SP1: variants seen among roughly 807,000 people sequenced by gnomAD.
The protein encoded by SP1 is transcription factor Sp1.
A neutral mutation model predicts 66.3 loss-of-function variants in SP1; 6 were observed. The ratio of observed to expected loss-of-function variants is 0.09; its 90% CI spans 0.05 to 0.18. The LOEUF (loss-of-function observed/expected upper bound fraction) is 0.18, where lower values mean the gene tolerates loss of function less well. Among genes scored for constraint, SP1 ranks in the 10% least tolerant of loss-of-function variants. The probability of loss-of-function intolerance (pLI) is 1.00; values close to 1 mark genes in which losing one functional copy is unlikely to be tolerated. For synonymous variants in SP1, 417 were observed against 360.8 expected, an observed-to-expected ratio of 1.16 and a Z score of -1.77; for missense variants, 848 against 964.5, an observed-to-expected ratio of 0.88 and a Z score of 1.60.
chr12:53,380,602 TCCCGCCGGGGGCTGGAGCCGCGGGGGCGG>T, intron 1 of SP1: 1 of 999,386 alleles, frequency 1.0e-6, no homozygotes, highest in Middle Eastern at 4.8e-4. Context: ...CTGAGGCTCC[TCCCGCCGGGGGCTGGAGCCGCGGGGGCGG>T]CCCGAGCAGC....
Position 53,411,836 on chromosome 12 carries a change from A to G in SP1, c.*596A>G, listed in dbSNP as rs934144249. 2 of 152,340 alleles carry G rather than the reference A, an allele frequency of 1.3e-5. No individual in the cohort carries two copies. Among genetic ancestry groups the G allele is most frequent in the African/African-American group, 4.8e-5 (2 of 41,342 alleles). 9.4% of individuals were successfully genotyped at this position (152,340 alleles called of 1,614,324 possible). On this transcript the variant is annotated 3_prime_UTR_variant, in exon 6 of 6. Transcript: ENST00000327443. ...TCTGTAGATGTTGTCTTGGCTTCCC[A>G]CCAGCTTAAGCGTTCATATGCTCTG...
chr12:53,401,075 A>G (rs1266142347), intron 3 of SP1, among the ~76,000 whole-genome samples: 4 of 151,882 alleles, frequency 2.6e-5, no homozygotes, highest in East Asian at 1.9e-4. Context: ...GGGTGAGTCT[A>G]TATCTTGATC....
chr12:53,390,481 G>A (rs1009992053), intron 3 of SP1, among the ~76,000 whole-genome samples: 1 of 152,122 alleles, frequency 6.6e-6, no homozygotes, highest in Non-Finnish European at 1.5e-5. Flanking sequence ...TCAGGAGTTC[G>A]TGACCAGCCT....
intron 3 of SP1, among the ~76,000 whole-genome samples, chr12:53,400,112 A>G (rs1173124578): frequency 6.6e-6 from 1 of 152,156 alleles, no homozygotes; most frequent in Admixed American, 6.6e-5. Flanking sequence ...ACTACAACCC[A>G]AGAACATTTT....
In SP1 at chr12:53,411,273, C is replaced by T. The variant is rs960686030; in HGVS notation, c.*33C>T. The T allele has an allele frequency of 5.1e-6, 8 of 1,564,666 alleles. No individual in the cohort carries two copies. The African/African-American group carries it at 1.1e-4, about 21-fold the overall frequency. On this transcript the variant is annotated 3_prime_UTR_variant, in exon 6 of 6. Transcript: ENST00000327443. The stretch of plus-strand genomic sequence containing the variant: ...CACCCGGGGCCAGAGACATATGGGC[C>T]ATACCCCTTAACCCCGGGATGCAAG...
intron 3 of SP1, among the ~76,000 whole-genome samples, chr12:53,396,422 C>T (rs904091042): frequency 1.3e-5 from 2 of 151,324 alleles, no homozygotes; most frequent in Admixed American, 1.3e-4. Context: ...ACAAAAATTA[C>T]CCGGGCATGG....
At chr12:53,403,371 T>G (rs949319480) in intron 3 of SP1, among the ~76,000 whole-genome samples, 4 of 152,154 alleles carry the variant, frequency 2.6e-5, no homozygotes, top group Non-Finnish European at 5.9e-5. Context: ...GGTTTTTTGT[T>G]TTTTTGAGAT....
Position 53,383,033 on chromosome 12 carries a change from A to T in SP1, c.1086A>T (p.Leu362=). The T allele has an allele frequency of 6.2e-7, 1 of 1,614,170 alleles. No homozygotes were observed. The highest frequency in any genetic ancestry group is 1.1e-5 in the South Asian group (1 of 91,088). The change falls in exon 3 of 6, where the codon CTA becomes CTT. Residue 362 remains leucine (L), a synonymous_variant. Coordinates refer to ENST00000327443, the MANE Select transcript of SP1 (RefSeq NM_138473.3). The part of the protein sequence containing the change: ...QGQTPQRVSG[L]QGSDALNIQQ... Reference sequence around the variant, plus strand: ...AGACACCCCAGAGGGTCAGTGGGCTACAGGGGTCTGATGCTCTGAACATCC... The same window carrying T: ...AGACACCCCAGAGGGTCAGTGGGCTTCAGGGGTCTGATGCTCTGAACATCC...
intron 3 of SP1, among the ~76,000 whole-genome samples, chr12:53,403,800 G>C (rs771881485): frequency 7.2e-5 from 11 of 152,186 alleles, no homozygotes; most frequent in Non-Finnish European, 1.0e-4. Flanking sequence ...GAACATTTTG[G>C]GGGGCTGAGG....
In SP1 at chr12:53,415,812, G is replaced by C. The variant is rs1226337806; in HGVS notation, c.*4572G>C. 1 of 152,542 alleles carries C rather than the reference G, an allele frequency of 6.6e-6. No individual in the cohort carries two copies. The highest frequency in any genetic ancestry group is 2.4e-5 in the African/African-American group (1 of 41,390). 9.4% of individuals were successfully genotyped at this position (152,542 alleles called of 1,614,324 possible). ...TGTCTACCCAGTGCTCCAGTTTCCC[G>C]GTAACTGCTCTTGAACATTGTGGAC... On this transcript the variant is annotated 3_prime_UTR_variant, in exon 6 of 6. Coordinates refer to ENST00000327443, the MANE Select transcript of SP1 (RefSeq NM_138473.3).
intron 3 of SP1, among the ~76,000 whole-genome samples, chr12:53,390,638 G>A (rs1270288461): frequency 6.6e-6 from 1 of 151,570 alleles, no homozygotes; most frequent in Non-Finnish European, 1.5e-5. Context: ...AGCCGGGATC[G>A]CACCACTGCA....
At chr12:53,380,609 G>C (rs1398546570) in intron 1 of SP1, 2 of 1,001,732 alleles carry the variant, frequency 2.0e-6, no homozygotes, top group African/African-American at 1.8e-5. Flanking sequence ...TCCTCCCGCC[G>C]GGGGCTGGAG....
At position 53,414,479 on chromosome 12, in the gene SP1, G is replaced by A. The variant is rs549264413; in HGVS notation, c.*3239G>A. On this transcript the variant is annotated 3_prime_UTR_variant, in exon 6 of 6. Transcript: ENST00000327443. ...AGAATAAATTGATCCTTTGATCCCA[G>A]AAAGTATATACTGAAGTGTGGGATA... 1 of 152,694 alleles carries A rather than the reference G, an allele frequency of 6.5e-6. No individual in the cohort carries two copies. Among genetic ancestry groups the A allele is most frequent in the East Asian group, 1.9e-4 (1 of 5,182 alleles). 9.5% of individuals were successfully genotyped at this position (152,694 alleles called of 1,614,324 possible).
At chr12:53,386,801 T>G (rs1938239340) in intron 3 of SP1, among the ~76,000 whole-genome samples, 1 of 152,014 alleles carries the variant, frequency 6.6e-6, no homozygotes, top group African/African-American at 2.4e-5. Flanking sequence ...ACTTTATCAT[T>G]TTAAATTCCA....
Position 53,411,386 on chromosome 12 carries a change from G to C in SP1, c.*146G>C, listed in dbSNP as rs1938880897. On this transcript the variant is annotated 3_prime_UTR_variant, in exon 6 of 6. Transcript: ENST00000327443. ...GAAGAATCAGGAGAGGGATACAAGA[G>C]AGGAGATGGGGTCCCGGCACCCATC... 5 of 639,742 alleles carry C rather than the reference G, an allele frequency of 7.8e-6. No individual in the cohort carries two copies. Among genetic ancestry groups the C allele is most frequent in the Non-Finnish European group, 1.0e-5 (4 of 382,564 alleles). 39.6% of individuals were successfully genotyped at this position (639,742 alleles called of 1,614,324 possible). A position where few individuals can be genotyped will look rare whatever the true frequency, so the allele number is the denominator to read the frequency against.
At chr12:53,391,750 G>A (rs908381915) in intron 3 of SP1, among the ~76,000 whole-genome samples, 2 of 140,598 alleles carry the variant, frequency 1.4e-5, no homozygotes, top group African/African-American at 5.1e-5. Context: ...CATTACCCCC[G>A]ACCCTCCCCT....
intron 3 of SP1, 68 bp from the exon 4 acceptor site, chr12:53,406,517 G>T (rs1187414186): frequency 2.3e-6 from 3 of 1,286,694 alleles, no homozygotes; most frequent in Non-Finnish European, 2.2e-6. Context: ...GTGACTGTAG[G>T]GTATCACTGA....
intron 1 of SP1, 171 bp from the exon 2 acceptor site, chr12:53,381,488 A>G (rs1400364911): frequency 1.8e-6 from 1 of 543,324 alleles, no homozygotes; most frequent in Non-Finnish European, 3.2e-6. Flanking sequence ...AACCTAGTTC[A>G]TGTCCTGCAT....
chr12:53,396,341 G>T (rs1198016059), intron 3 of SP1, among the ~76,000 whole-genome samples: 8 of 151,202 alleles, frequency 5.3e-5, no homozygotes, highest in African/African-American at 1.9e-4. Flanking sequence ...AGGCCGAGAC[G>T]GGTGGATCAT....
Sources: gnomAD v4.1 joint callset for allele counts (sites outside exome capture counted in the v4.1 genomes callset) on GRCh38, gnomAD v4.1.1 for gene constraint, MANE v1.5 for transcripts, NCBI Gene and HGNC (gene_info 2026-07-23, HGNC 2026-07-21) for gene names.